The following FBXL17 variants were observed in gnomAD, a reference collection of about 807,000 sequenced individuals.
FBXL17 encodes the protein F-box and leucine rich repeat protein 17.
FBXL17 carries 22 observed loss-of-function variants against 66.2 expected under a neutral mutation model. The ratio of observed to expected loss-of-function variants is 0.33; its 90% CI spans 0.24 to 0.47. FBXL17 has a LOEUF of 0.47. FBXL17 is among the 20% of genes least tolerant of loss of function. The probability of loss-of-function intolerance (pLI) is 1.00; values close to 1 mark genes in which losing one functional copy is unlikely to be tolerated. For missense variants in FBXL17, 878 were observed against 948.2 expected, an observed-to-expected ratio of 0.93 and a Z score of 0.97; for synonymous variants, 474 against 400.5, an observed-to-expected ratio of 1.18 and a Z score of -2.19.
At chr5:107,962,198 C>T (rs1196615728) in intron 7 of FBXL17, among the ~76,000 whole-genome samples, 4 of 152,140 alleles carry the variant, frequency 2.6e-5, no homozygotes, top group East Asian at 3.9e-4. Context: ...GCCACTGAAC[C>T]GTACGCTTAA....
chr5:108,227,990 G>T (rs1246733373), intron 4 of FBXL17, among the ~76,000 whole-genome samples: 1 of 152,180 alleles, frequency 6.6e-6, no homozygotes, highest in Admixed American at 6.5e-5. Context: ...CATCTTCGAG[G>T]AGAGGAGAAG....
intron 6 of FBXL17, among the ~76,000 whole-genome samples, chr5:108,082,829 A>C (rs1244218500): frequency 1.3e-5 from 2 of 152,220 alleles, no homozygotes; most frequent in Non-Finnish European, 2.9e-5. Flanking sequence ...TGGCCAAAAG[A>C]GATATAAAAA....
intron 7 of FBXL17, among the ~76,000 whole-genome samples, chr5:107,917,372 C>CT (rs947662922): frequency 2.2e-4 from 34 of 151,192 alleles, no homozygotes; most frequent in African/African-American, 5.6e-4. Flanking sequence ...AAGCTGTGGA[C>CT]TTTTTTTTTA....
chr5:108,172,802 T>G (rs1752656810), intron 6 of FBXL17, among the ~76,000 whole-genome samples: 1 of 152,156 alleles, frequency 6.6e-6, no homozygotes, highest in Non-Finnish European at 1.5e-5. Context: ...TTTATTTTAT[T>G]TGTTTATTGT....
intron 6 of FBXL17, among the ~76,000 whole-genome samples, chr5:108,042,082 A>AG (rs991617878): frequency 1.6e-4 from 25 of 151,994 alleles, no homozygotes; most frequent in African/African-American, 6.0e-4. Context: ...TTTAGTAGAG[A>AG]GGGGGTTTCT....
At chr5:108,240,866 G>C (rs905689246) in intron 4 of FBXL17, among the ~76,000 whole-genome samples, 1 of 152,172 alleles carries the variant, frequency 6.6e-6, no homozygotes, top group Non-Finnish European at 1.5e-5. Flanking sequence ...TGCAGGGAGA[G>C]AGACAGAGAG....
chr5:107,927,270 A>C (rs151166709), intron 7 of FBXL17, among the ~76,000 whole-genome samples: 2,186 of 152,286 alleles, frequency 0.014, 58 homozygotes, highest in African/African-American at 0.05. Context: ...TACATTATAT[A>C]ATAGCAATAT....
intron 1 of FBXL17, among the ~76,000 whole-genome samples, chr5:108,370,376 G>C (rs980262732): frequency 7.2e-5 from 11 of 152,046 alleles, no homozygotes; most frequent in African/African-American, 2.4e-4. Context: ...TTTAAATCTT[G>C]GGCCTCGGGA....
At chr5:108,166,398 G>A (rs1252480997) in intron 6 of FBXL17, among the ~76,000 whole-genome samples, 1 of 152,176 alleles carries the variant, frequency 6.6e-6, no homozygotes, top group Non-Finnish European at 1.5e-5. Flanking sequence ...ACATGCTCCA[G>A]GGAGACACCT....
At chr5:108,184,873 T>G (rs1371560214) in intron 6 of FBXL17, among the ~76,000 whole-genome samples, 2 of 152,106 alleles carry the variant, frequency 1.3e-5, no homozygotes, top group African/African-American at 2.4e-5. Flanking sequence ...GCTGAAATAG[T>G]GCTTTCTATT....
chr5:108,298,304 T>A (rs1008608328), intron 4 of FBXL17: 1 of 984,608 alleles, frequency 1.0e-6, no homozygotes, highest in Admixed American at 6.2e-5. Context: ...CTTCCAAACA[T>A]CTAAATAAAA....
chr5:108,004,463 C>T (rs1753851754), intron 7 of FBXL17, among the ~76,000 whole-genome samples: 1 of 152,054 alleles, frequency 6.6e-6, no homozygotes, highest in Admixed American at 6.6e-5. Context: ...TATCATATAA[C>T]ATGATTTAAT....
intron 4 of FBXL17, among the ~76,000 whole-genome samples, chr5:108,291,494 G>A (rs765802267): frequency 2.6e-5 from 4 of 152,110 alleles, no homozygotes; most frequent in Non-Finnish European, 4.4e-5. Flanking sequence ...GCTCTACACA[G>A]GCATTTATTT....
At chr5:108,068,065 T>C (rs955117674) in intron 6 of FBXL17, among the ~76,000 whole-genome samples, 2 of 152,196 alleles carry the variant, frequency 1.3e-5, no homozygotes, top group Non-Finnish European at 2.9e-5. Context: ...ACTTAATGTA[T>C]TGACATTTCA....
chr5:108,350,406 G>T (rs1747569040), intron 3 of FBXL17, among the ~76,000 whole-genome samples: 1 of 152,180 alleles, frequency 6.6e-6, no homozygotes, highest in Non-Finnish European at 1.5e-5. Flanking sequence ...GGGGATTTGT[G>T]AACGTTTATA....
intron 6 of FBXL17, among the ~76,000 whole-genome samples, chr5:108,102,499 G>T (rs1259392165): frequency 6.6e-6 from 1 of 152,050 alleles, no homozygotes; most frequent in African/African-American, 2.4e-5. Context: ...GTGAGATACC[G>T]ATTCCTTATT....
intron 4 of FBXL17, among the ~76,000 whole-genome samples, chr5:108,281,024 C>CA (rs1757682212): frequency 6.6e-6 from 1 of 151,662 alleles, no homozygotes; most frequent in Admixed American, 6.6e-5. Flanking sequence ...AGTCATAAAA[C>CA]AAATATTACT....
At chr5:108,214,049 A>G (rs913028907) in intron 5 of FBXL17, among the ~76,000 whole-genome samples, 1 of 152,284 alleles carries the variant, frequency 6.6e-6, no homozygotes, top group Non-Finnish European at 1.5e-5. Flanking sequence ...GTTCCAGAAG[A>G]TACTTTGAAG....
intron 6 of FBXL17, among the ~76,000 whole-genome samples, chr5:108,047,618 C>A (rs952737884): frequency 6.6e-6 from 1 of 152,178 alleles, no homozygotes; most frequent in African/African-American, 2.4e-5. Flanking sequence ...GCCAGGGAGG[C>A]TGGATAACTT....
Sources: allele counts gnomAD v4.1 joint callset (sites outside exome capture counted in the v4.1 genomes callset), GRCh38; gene constraint gnomAD v4.1.1; transcripts MANE v1.5; gene names NCBI Gene and HGNC (gene_info 2026-07-23, HGNC 2026-07-21).